The following TYW1B variants were observed in gnomAD, a reference collection of about 807,000 sequenced individuals.
TYW1B encodes the protein S-adenosyl-L-methionine-dependent tRNA 4-demethylwyosine synthase TYW1B.
A neutral mutation model predicts 86.9 loss-of-function variants in TYW1B; 73 were observed. That is an observed-to-expected ratio of 0.84 (90% CI 0.70 to 1.02). The LOEUF (loss-of-function observed/expected upper bound fraction) is 1.02, where lower values mean the gene tolerates loss of function less well. Among genes scored for constraint, TYW1B ranks in the 50% least tolerant of loss-of-function variants. TYW1B has a pLI of 0.00. For synonymous variants in TYW1B, 248 were observed against 292.8 expected (o/e 0.85, Z 1.56); for missense variants, 637 against 827.4 (o/e 0.77, Z 2.82).
At chr7:72,704,776 T>C (rs1554453343) in intron 10 of TYW1B, among the ~76,000 whole-genome samples, 1 of 152,010 alleles carries the variant, frequency 6.6e-6, no homozygotes, top group Non-Finnish European at 1.5e-5. Flanking sequence ...ATGAGGAAAG[T>C]GGGCACTGAA....
chr7:72,622,802 CACA>C (rs1812256294), intron 12 of TYW1B, among the ~76,000 whole-genome samples: 1 of 151,884 alleles, frequency 6.6e-6, no homozygotes, highest in Non-Finnish European at 1.5e-5. Context: ...GCATAACACA[CACA>C]ACACACATGC....
chr7:72,807,985 T>C (rs879996047), intron 4 of TYW1B, among the ~76,000 whole-genome samples: 2 of 151,952 alleles, frequency 1.3e-5, no homozygotes, highest in Admixed American at 6.6e-5. Context: ...GGCAGGCAGA[T>C]TGTTTGAGGC....
At chr7:72,591,608 A>T (rs1429774435) in intron 13 of TYW1B, among the ~76,000 whole-genome samples, 3 of 152,164 alleles carry the variant, frequency 2.0e-5, no homozygotes, top group Admixed American at 2.0e-4. Context: ...GAAATAAGAC[A>T]TTTCCAAATA....
At chr7:72,775,460 A>G (rs1554470375) in intron 7 of TYW1B, among the ~76,000 whole-genome samples, 1 of 152,118 alleles carries the variant, frequency 6.6e-6, no homozygotes, top group African/African-American at 2.4e-5. Flanking sequence ...GAACAAACAA[A>G]AGGATGACTG....
intron 6 of TYW1B, among the ~76,000 whole-genome samples, chr7:72,782,404 A>C (rs1554471797): frequency 6.6e-6 from 1 of 152,194 alleles, no homozygotes; most frequent in Non-Finnish European, 1.5e-5. Context: ...AAGGCCGAAA[A>C]CTGATTTGCT....
At chr7:72,582,673 T>C (rs1380784377) in intron 13 of TYW1B, among the ~76,000 whole-genome samples, 1 of 152,094 alleles carries the variant, frequency 6.6e-6, no homozygotes, top group Admixed American at 6.6e-5. Context: ...AACTAGGTGG[T>C]AGAGAGTGAA....
intron 8 of TYW1B, among the ~76,000 whole-genome samples, chr7:72,732,618 C>G (rs192783731): frequency 6.6e-6 from 1 of 152,168 alleles, no homozygotes. Context: ...AAAAGCAGTA[C>G]TAACAGGGAA....
At chr7:72,788,624 C>T (rs183449035) in intron 6 of TYW1B, among the ~76,000 whole-genome samples, 1 of 152,022 alleles carries the variant, frequency 6.6e-6, no homozygotes, top group African/African-American at 2.4e-5. Flanking sequence ...CCTCCGCTTC[C>T]GGGGTTCAAG....
Position 72,810,598 on chromosome 7 carries a change from G to A in TYW1B, c.305C>T (p.Ala102Val), listed in dbSNP as rs1788590926. The change falls in exon 4 of 14, where the codon GCA becomes GTA. Residue 102 changes from alanine to valine, a missense_variant. Coordinates refer to ENST00000620995, the MANE Select transcript of TYW1B (RefSeq NM_001145440.3). ...CTCTAACCATTTGCAGAACCACTCT[G>A]CACTTTCGGTTGGTAGGCCGTCAGT... ...TYTDGLPTES[A>V]EWFCKWLEEA... 1 of 1,613,762 alleles carries A rather than the reference G, an allele frequency of 6.2e-7. No homozygotes were observed. The highest frequency in any genetic ancestry group is 8.5e-7 in the Non-Finnish European group (1 of 1,179,858).
At chr7:72,775,399 GA>G (rs1787936560) in intron 7 of TYW1B, among the ~76,000 whole-genome samples, 1 of 152,092 alleles carries the variant, frequency 6.6e-6, no homozygotes, top group African/African-American at 2.4e-5. Context: ...AGCATTAAGA[GA>G]AAATCTTCCA....
At position 72,741,170 on chromosome 7, in the gene TYW1B, C is replaced by A. The variant is rs146539323; in HGVS notation, c.1082+3314G>T. On this transcript the variant is annotated intron_variant, in intron 8 of 13. Transcript: ENST00000620995. ...AGACCAACTAAAAAAATACTTTAAG[C>A]CAACTATCTTAAACATGCTCAAAGA... Among the ~76,000 whole-genome samples the A allele has an allele frequency of 6.8e-4, 103 of 152,124 alleles. No individual in the cohort carries two copies. In the East Asian group the frequency reaches 0.014, roughly 21 times the overall value.
intron 11 of TYW1B, among the ~76,000 whole-genome samples, chr7:72,658,108 A>T (rs1160301234): frequency 1.3e-5 from 2 of 152,174 alleles, no homozygotes; most frequent in East Asian, 1.9e-4. Flanking sequence ...ATACAAAAAA[A>T]TTAGCCAGGT....
At chr7:72,720,016 G>A (rs1287271562) in intron 9 of TYW1B, among the ~76,000 whole-genome samples, 1 of 151,814 alleles carries the variant, frequency 6.6e-6, no homozygotes, top group Non-Finnish European at 1.5e-5. Context: ...ATAATCTGCC[G>A]ACAGACTATA....
rs192695954 is a variant in TYW1B at position 72,757,426 on chromosome 7, G to A, written c.965-12825C>T. ...AATTAAGAAGAGTGGAAGTAATCTT[G>A]GCTATAAAAAAAAACAATGGAGAAC... On this transcript the variant is annotated intron_variant, in intron 7 of 13. Coordinates refer to ENST00000620995, the MANE Select transcript of TYW1B (RefSeq NM_001145440.3). Among the ~76,000 whole-genome samples, 279 of 149,598 alleles carry A rather than the reference G, an allele frequency of 1.9e-3. 1 individual carries two copies. Among genetic ancestry groups the A allele is most frequent in the African/African-American group, 6.6e-3 (268 of 40,904 alleles).
At chr7:72,608,661 C>T (rs2960921) in intron 13 of TYW1B, among the ~76,000 whole-genome samples, 23,289 of 152,108 alleles carry the variant, frequency 0.15, 2,436 homozygotes, top group East Asian at 0.55. Flanking sequence ...TAATGATACA[C>T]GCAGGTTGAA....
At chr7:72,783,926 T>G (rs1223915301) in intron 6 of TYW1B, among the ~76,000 whole-genome samples, 5 of 152,214 alleles carry the variant, frequency 3.3e-5, no homozygotes, top group African/African-American at 1.2e-4. Flanking sequence ...ACTAGCTTCC[T>G]GTTATTCCAC....
chr7:72,780,373 T>C (rs1418955707), intron 6 of TYW1B, among the ~76,000 whole-genome samples: 1 of 152,204 alleles, frequency 6.6e-6, no homozygotes, highest in Non-Finnish European at 1.5e-5. Context: ...GTCTCTATAA[T>C]TCCTCTACAA....
chr7:72,710,953 C>T (rs782516701), intron 10 of TYW1B, among the ~76,000 whole-genome samples: 1 of 152,178 alleles, frequency 6.6e-6, no homozygotes, highest in Non-Finnish European at 1.5e-5. Flanking sequence ...ACCGTCACCT[C>T]GGACAAACCC....
chr7:72,726,799 G>T (rs2129570982), intron 9 of TYW1B, among the ~76,000 whole-genome samples: 1 of 152,184 alleles, frequency 6.6e-6, no homozygotes, highest in East Asian at 1.9e-4. Context: ...CGGAGACGGG[G>T]TAATTTATAA....
Sources: gnomAD v4.1 joint callset for allele counts (sites outside exome capture counted in the v4.1 genomes callset) on GRCh38, gnomAD v4.1.1 for gene constraint, MANE v1.5 for transcripts, NCBI Gene and HGNC (gene_info 2026-07-23, HGNC 2026-07-21) for gene names.